PDE1A: variants seen among roughly 807,000 people sequenced by gnomAD.
The protein encoded by PDE1A is dual specificity calcium/calmodulin-dependent 3',5'-cyclic nucleotide phosphodiesterase 1A.
In PDE1A, 35 loss-of-function variants were observed where a neutral mutation model predicts 61.7. The observed-to-expected ratio is 0.57, with a 90% CI of 0.43 to 0.75. The LOEUF is 0.75. Among genes scored for constraint, PDE1A ranks in the 30% least tolerant of loss-of-function variants. The pLI is 0.00. For missense variants in PDE1A, 597 were observed against 630.6 expected (o/e 0.95, Z 0.57); for synonymous variants, 232 against 213.2 (o/e 1.09, Z -0.77).
chr2:182,292,579 TA>T (rs1235918032), intron 1 of PDE1A, among the ~76,000 whole-genome samples: 1 of 152,058 alleles, frequency 6.6e-6, no homozygotes, highest in Non-Finnish European at 1.5e-5. Flanking sequence ...ACTCAGAATC[TA>T]TTCTCATCAA....
chr2:182,390,071 A>G (rs1171459634), intron 1 of PDE1A, among the ~76,000 whole-genome samples: 2 of 152,108 alleles, frequency 1.3e-5, no homozygotes, highest in African/African-American at 4.8e-5. Flanking sequence ...CAGAGGGCCT[A>G]TTGTATGATT....
At chr2:182,701,793 G>A in the PDE1A span, among the ~76,000 whole-genome samples, 2 of 152,170 alleles carry the variant, frequency 1.3e-5, no homozygotes, top group African/African-American at 4.8e-5. Flanking sequence ...TGAGAGAGGA[G>A]CTGTAGTCTC....
chr2:182,507,997 C>T (rs1257427402), intron 2 of PDE1A, among the ~76,000 whole-genome samples: 1 of 151,942 alleles, frequency 6.6e-6, no homozygotes, highest in Non-Finnish European at 1.5e-5. Context: ...AGAAGAAAGA[C>T]TACTCATTTG....
the PDE1A span, among the ~76,000 whole-genome samples, chr2:182,657,496 G>T: frequency 3.3e-5 from 5 of 152,024 alleles, no homozygotes; most frequent in Admixed American, 3.3e-4. Flanking sequence ...TAAGTGGGCA[G>T]GATTTATTTT....
At chr2:182,514,765 T>C (rs893253586) in intron 2 of PDE1A, among the ~76,000 whole-genome samples, 1 of 152,042 alleles carries the variant, frequency 6.6e-6, no homozygotes. Flanking sequence ...CTGGCAAAGA[T>C]TTCATGAGGA....
chr2:182,596,570 C>T, the PDE1A span, among the ~76,000 whole-genome samples: 1 of 152,164 alleles, frequency 6.6e-6, no homozygotes, highest in African/African-American at 2.4e-5. Flanking sequence ...ACATAATATT[C>T]ACTATGTGCA....
At chr2:182,390,353 G>A (rs1057393055) in intron 1 of PDE1A, among the ~76,000 whole-genome samples, 1 of 152,168 alleles carries the variant, frequency 6.6e-6, no homozygotes, top group Non-Finnish European at 1.5e-5. Context: ...GAACTGTTTA[G>A]AGAGTTATAC....
the PDE1A span, among the ~76,000 whole-genome samples, chr2:182,700,756 A>G: frequency 8.1e-5 from 12 of 147,832 alleles, no homozygotes; most frequent in Non-Finnish European, 1.5e-4. Context: ...AGAAAAGAAA[A>G]AGAAAAAGAA....
At chr2:182,641,360 A>C in the PDE1A span, among the ~76,000 whole-genome samples, 5 of 152,158 alleles carry the variant, frequency 3.3e-5, no homozygotes, top group Non-Finnish European at 5.9e-5. Flanking sequence ...ATCATTAAAA[A>C]CTAGGCCAAT....
At chr2:182,283,255 T>A (rs1381223088) in intron 1 of PDE1A, among the ~76,000 whole-genome samples, 1 of 152,072 alleles carries the variant, frequency 6.6e-6, no homozygotes, top group Non-Finnish European at 1.5e-5. Context: ...TGGTCACCTA[T>A]ATGTTATGAT....
At chr2:182,507,492 T>C (rs1689487222) in intron 2 of PDE1A, among the ~76,000 whole-genome samples, 1 of 152,098 alleles carries the variant, frequency 6.6e-6, no homozygotes, top group East Asian at 1.9e-4. Context: ...ACACGCCAGT[T>C]TGAGGGTTCC....
intron 2 of PDE1A, among the ~76,000 whole-genome samples, chr2:182,509,316 A>C (rs1689635970): frequency 6.6e-6 from 1 of 152,232 alleles, no homozygotes; most frequent in South Asian, 2.1e-4. Context: ...TAGAGAAGAG[A>C]AACAAAATTG....
the PDE1A span, among the ~76,000 whole-genome samples, chr2:182,540,417 G>A: frequency 1.3e-5 from 2 of 150,412 alleles, no homozygotes; most frequent in East Asian, 3.9e-4. Flanking sequence ...GCAGCAGCAG[G>A]AAGTCAGAAG....
chr2:182,436,372 A>G (rs1574652923), intron 2 of PDE1A, among the ~76,000 whole-genome samples: 1 of 151,838 alleles, frequency 6.6e-6, no homozygotes, highest in Non-Finnish European at 1.5e-5. Context: ...TTGTACTTTT[A>G]TTTTATTAAA....
intron 1 of PDE1A, among the ~76,000 whole-genome samples, chr2:182,420,516 T>C (rs376694001): frequency 2.6e-5 from 4 of 152,170 alleles, no homozygotes; most frequent in Admixed American, 1.3e-4. Flanking sequence ...TCAAATTAAG[T>C]ATTAATATTT....
chr2:182,588,818 C>T, the PDE1A span, among the ~76,000 whole-genome samples: 95 of 151,958 alleles, frequency 6.3e-4, 1 homozygote, highest in African/African-American at 2.2e-3. Flanking sequence ...CCGAGGCAGG[C>T]GGATCACCCA....
At chr2:182,534,145 C>T in the PDE1A span, among the ~76,000 whole-genome samples, 1 of 151,930 alleles carries the variant, frequency 6.6e-6, no homozygotes, top group Admixed American at 6.5e-5. Context: ...CTCCTTTATC[C>T]TTTTAAAATT....
intron 1 of PDE1A, among the ~76,000 whole-genome samples, chr2:182,400,092 G>T (rs188239457): frequency 6.6e-6 from 1 of 152,082 alleles, no homozygotes; most frequent in Admixed American, 6.6e-5. Flanking sequence ...CCTCCCACTG[G>T]CTACTATTGA....
chr2:182,416,465 TTTC>T (rs1702923700), intron 1 of PDE1A, among the ~76,000 whole-genome samples: 1 of 152,234 alleles, frequency 6.6e-6, no homozygotes, highest in Non-Finnish European at 1.5e-5. Flanking sequence ...TTTCAAAATA[TTTC>T]TTCTTCCTTT....
Sources: gnomAD v4.1 joint callset for allele counts (sites outside exome capture counted in the v4.1 genomes callset) on GRCh38, gnomAD v4.1.1 for gene constraint, MANE v1.5 for transcripts, NCBI Gene and HGNC (gene_info 2026-07-23, HGNC 2026-07-21) for gene names.